The following RBFOX2 variants were observed in gnomAD, a reference collection of about 807,000 sequenced individuals.
The protein encoded by RBFOX2 is RNA binding protein fox-1 homolog 2.
Under a neutral mutation model 49.1 loss-of-function variants are expected in RBFOX2, and 10 were observed. That is an observed-to-expected ratio of 0.20 (90% CI 0.13 to 0.35). RBFOX2 has a LOEUF of 0.35. Among genes scored for constraint, RBFOX2 ranks in the 10% least tolerant of loss-of-function variants. The pLI is 1.00. For synonymous variants in RBFOX2, 183 were observed against 187.4 expected, an observed-to-expected ratio of 0.98 and a Z score of 0.19; for missense variants, 323 against 486.9, an observed-to-expected ratio of 0.66 and a Z score of 3.17.
intron 1 of RBFOX2, chr22:35,824,359 T>C (rs937619269): frequency 1.3e-5 from 2 of 152,322 alleles, no homozygotes; most frequent in East Asian, 1.9e-4. Context: ...TCCTTCTTCA[T>C]GAATGCAATA....
intron 1 of RBFOX2, among the ~76,000 whole-genome samples, chr22:35,854,721 G>GA (rs1375372603): frequency 6.6e-6 from 1 of 152,094 alleles, no homozygotes; most frequent in Non-Finnish European, 1.5e-5. Flanking sequence ...CAGCTCTTCA[G>GA]AAAAATGTCA....
intron 2 of RBFOX2, among the ~76,000 whole-genome samples, chr22:35,798,592 G>T (rs1376346329): frequency 1.3e-5 from 2 of 152,048 alleles, no homozygotes; most frequent in Non-Finnish European, 2.9e-5. Context: ...TAACTCAATG[G>T]AGTTAACACA....
intron 1 of RBFOX2, among the ~76,000 whole-genome samples, chr22:36,012,844 A>T (rs1319881623): frequency 6.6e-6 from 1 of 151,928 alleles, no homozygotes; most frequent in African/African-American, 2.4e-5. Flanking sequence ...GGCTCACTGC[A>T]ACCTCCGCCT....
At chr22:35,962,349 T>C (rs1354539901), upstream of RBFOX2, among the ~76,000 whole-genome samples, 4 of 152,226 alleles carry the variant, frequency 2.6e-5, no homozygotes, top group African/African-American at 9.6e-5. Flanking sequence ...TGACCCACTA[T>C]GTAAACTTAA....
chr22:35,797,875 T>C (rs1042722858), intron 2 of RBFOX2, among the ~76,000 whole-genome samples: 1 of 152,244 alleles, frequency 6.6e-6, no homozygotes, highest in Non-Finnish European at 1.5e-5. Flanking sequence ...CTGCAGGCTA[T>C]GGGTTCACTG....
chr22:35,858,340 ATCT>A (rs897154853), intron 1 of RBFOX2, among the ~76,000 whole-genome samples: 7 of 152,152 alleles, frequency 4.6e-5, no homozygotes, highest in African/African-American at 1.4e-4. Flanking sequence ...AAATGCCCAA[ATCT>A]TAAAAATGCT....
At chr22:35,976,830 G>A (rs1490550435) in intron 1 of RBFOX2, among the ~76,000 whole-genome samples, 2 of 152,092 alleles carry the variant, frequency 1.3e-5, no homozygotes, top group Admixed American at 1.3e-4. Flanking sequence ...TGGCCACAGT[G>A]GCGTGTGCCT....
At chr22:35,827,025 G>A (rs879944929) in intron 1 of RBFOX2, among the ~76,000 whole-genome samples, 2 of 152,134 alleles carry the variant, frequency 1.3e-5, no homozygotes, top group African/African-American at 4.8e-5. Flanking sequence ...CTATGTTAGC[G>A]AACAACAGTC....
At chr22:36,005,173 T>C (rs1330350144) in intron 1 of RBFOX2, among the ~76,000 whole-genome samples, 6 of 152,186 alleles carry the variant, frequency 3.9e-5, no homozygotes, top group Non-Finnish European at 8.8e-5. Context: ...TAATTCAAGA[T>C]TTTATTCTAC....
chr22:35,992,217 G>C (rs1276766912), intron 1 of RBFOX2: 2 of 152,116 alleles, frequency 1.3e-5, no homozygotes, highest in Non-Finnish European at 2.9e-5. Context: ...ATTACTAGCA[G>C]AGGGAACGCA....
At chr22:35,857,538 G>A (rs2042649062) in intron 1 of RBFOX2, among the ~76,000 whole-genome samples, 1 of 152,192 alleles carries the variant, frequency 6.6e-6, no homozygotes, top group African/African-American at 2.4e-5. Flanking sequence ...TTGAAGTAAT[G>A]GTAGAGAAGG....
At chr22:35,952,370 G>A (rs1022808989) in intron 1 of RBFOX2, among the ~76,000 whole-genome samples, 7 of 152,112 alleles carry the variant, frequency 4.6e-5, no homozygotes, top group African/African-American at 1.7e-4. Context: ...ACTGGACCTA[G>A]GGTAGTCTTG....
chr22:35,818,731 G>C (rs1953750534), intron 1 of RBFOX2, among the ~76,000 whole-genome samples: 1 of 152,128 alleles, frequency 6.6e-6, no homozygotes, highest in African/African-American at 2.4e-5. Context: ...AGGATGCAGT[G>C]AGCCTAGATC....
At chr22:35,966,325 A>G (rs1424025812), upstream of RBFOX2, among the ~76,000 whole-genome samples, 1 of 152,146 alleles carries the variant, frequency 6.6e-6, no homozygotes, top group Non-Finnish European at 1.5e-5. Flanking sequence ...CAGTGCACAC[A>G]TGTATACATT....
intron 1 of RBFOX2, among the ~76,000 whole-genome samples, chr22:35,818,988 T>G (rs1434165150): frequency 6.6e-6 from 1 of 152,198 alleles, no homozygotes; most frequent in African/African-American, 2.4e-5. Context: ...TCCCTATCCC[T>G]TTCCCAGAAC....
chr22:36,018,077 A>G (rs973071392), intron 1 of RBFOX2, among the ~76,000 whole-genome samples: 2 of 152,206 alleles, frequency 1.3e-5, no homozygotes, highest in African/African-American at 4.8e-5. Flanking sequence ...GCAGGCCCCA[A>G]CTGAGAAGCA....
chr22:35,791,368 G>C (rs1947599172), intron 2 of RBFOX2, among the ~76,000 whole-genome samples: 1 of 146,260 alleles, frequency 6.8e-6, no homozygotes, highest in South Asian at 2.2e-4. Context: ...CTGGGCAACA[G>C]AGCAAAAACT....
chr22:36,014,136 T>A (rs1224067798), intron 1 of RBFOX2, among the ~76,000 whole-genome samples: 5 of 151,664 alleles, frequency 3.3e-5, no homozygotes, highest in Non-Finnish European at 5.9e-5. Context: ...TTTTTTTTTT[T>A]ATTGAGACAG....
Position 35,921,439 on chromosome 22 carries a change from T to C in RBFOX2, c.-34+17408A>G, listed in dbSNP as rs372159086. ...TGAATAAAGGTAAGTTCCCAGGTGA[T>C]GCTGATGCGGCTGGATTTGAAGCCA... is the stretch of plus-strand genomic sequence containing the variant. On this transcript the variant is annotated intron_variant, in intron 1 of 13. Transcript: ENST00000359369. Among the ~76,000 whole-genome samples the C allele has an allele frequency of 1.2e-4, 19 of 152,332 alleles. No homozygotes were observed. The East Asian group carries it at 3.5e-3, about 28-fold the overall frequency.
Sources: gnomAD v4.1 joint callset for allele counts (sites outside exome capture counted in the v4.1 genomes callset) on GRCh38, gnomAD v4.1.1 for gene constraint, MANE v1.5 for transcripts, NCBI Gene and HGNC (gene_info 2026-07-23, HGNC 2026-07-21) for gene names.